The following CGNL1 variants were observed in gnomAD, a reference collection of about 807,000 sequenced individuals.
CGNL1 encodes the protein cingulin-like protein 1.
Under a neutral mutation model 141.2 loss-of-function variants are expected in CGNL1, and 132 were observed. The ratio of observed to expected loss-of-function variants is 0.93; its 90% CI spans 0.81 to 1.08. CGNL1 has a LOEUF of 1.08. Ranked by LOEUF, CGNL1 falls within the 50% of genes least tolerant of loss-of-function variation. The probability of loss-of-function intolerance (pLI) is 0.00; values close to 1 mark genes in which losing one functional copy is unlikely to be tolerated. For synonymous variants in CGNL1, 690 were observed against 622.1 expected (o/e 1.11, Z -1.63); for missense variants, 1,870 against 1,588.6 (o/e 1.18, Z -3.01).
At chr15:57,406,281 C>T (rs1399259019) in intron 1 of CGNL1, among the ~76,000 whole-genome samples, 5 of 152,106 alleles carry the variant, frequency 3.3e-5, no homozygotes, top group East Asian at 3.9e-4. Flanking sequence ...GGGACAGGGA[C>T]GCTGAAGGCC....
At chr15:57,501,345 A>G (rs1169062056) in intron 8 of CGNL1, among the ~76,000 whole-genome samples, 1 of 152,268 alleles carries the variant, frequency 6.6e-6, no homozygotes, top group Non-Finnish European at 1.5e-5. Context: ...TGCCTCCCTC[A>G]GCGGGAAGCC....
intron 8 of CGNL1, chr15:57,478,261 A>C (rs533452544): frequency 1.3e-5 from 2 of 152,320 alleles, no homozygotes; most frequent in African/African-American, 4.8e-5. Flanking sequence ...CACAGTGATC[A>C]AGATGCTCTG....
rs770430182 is a variant in CGNL1 at position 57,453,831 on chromosome 15, G to A, written c.2190+13G>A. 4 of 1,612,472 alleles carry A rather than the reference G, an allele frequency of 2.5e-6. No homozygotes were observed. The highest frequency in any genetic ancestry group is 1.1e-5 in the South Asian group (1 of 90,994). ...AGCTCTGATTGAGGTAAGCAGGGCT[G>A]TGGGGTCAGGTGATAAGACAGGCCC... On this transcript the variant is annotated intron_variant, in intron 7 of 18. Transcript: ENST00000281282.
At chr15:57,403,909 C>T (rs1299415148) in intron 1 of CGNL1, among the ~76,000 whole-genome samples, 2 of 152,204 alleles carry the variant, frequency 1.3e-5, no homozygotes, top group African/African-American at 4.8e-5. Context: ...GCCTAGTTGC[C>T]TCCCCTGACC....
chr15:57,507,728 G>A (rs1227639360), intron 8 of CGNL1, among the ~76,000 whole-genome samples: 2 of 152,226 alleles, frequency 1.3e-5, no homozygotes, highest in African/African-American at 4.8e-5. Context: ...TGTTACAGAT[G>A]ATCTGGTTTA....
chr15:57,505,280 C>G (rs2064086195), intron 8 of CGNL1, among the ~76,000 whole-genome samples: 1 of 152,194 alleles, frequency 6.6e-6, no homozygotes, highest in Admixed American at 6.5e-5. Flanking sequence ...ACACCATTAT[C>G]TTTCATTTTT....
intron 8 of CGNL1, among the ~76,000 whole-genome samples, chr15:57,465,384 T>A (rs1294691220): frequency 1.2e-3 from 16 of 13,516 alleles, no homozygotes; most frequent in African/African-American, 5.0e-3. Context: ...AAAAACTGAC[T>A]TTTTTTTTTT....
intron 8 of CGNL1, among the ~76,000 whole-genome samples, chr15:57,489,954 G>T (rs183502718): frequency 6.6e-6 from 1 of 152,130 alleles, no homozygotes; most frequent in Non-Finnish European, 1.5e-5. Flanking sequence ...AAACAGTAGC[G>T]TTTTCTCTGG....
At chr15:57,400,019 G>C (rs2062642280) in intron 1 of CGNL1, among the ~76,000 whole-genome samples, 1 of 146,776 alleles carries the variant, frequency 6.8e-6, no homozygotes, top group Non-Finnish European at 1.5e-5. Context: ...TTTTTAATGG[G>C]GTCTCACTGT....
intron 16 of CGNL1, among the ~76,000 whole-genome samples, chr15:57,545,278 A>G (rs1055450795): frequency 7.2e-5 from 11 of 152,204 alleles, no homozygotes; most frequent in Middle Eastern, 3.2e-3. Context: ...AACAGCCTGG[A>G]GTAGACCCAA....
intron 8 of CGNL1, among the ~76,000 whole-genome samples, chr15:57,463,753 C>G (rs558791841): frequency 6.6e-6 from 1 of 152,336 alleles, no homozygotes; most frequent in Admixed American, 6.5e-5. Context: ...CTGCCTAACC[C>G]ATCTCCAGAA....
intron 8 of CGNL1, among the ~76,000 whole-genome samples, chr15:57,502,224 T>G (rs1436632622): frequency 6.6e-6 from 1 of 152,138 alleles, no homozygotes; most frequent in East Asian, 1.9e-4. Context: ...GGCTCTCGTT[T>G]GGAGGAAGGA....
chr15:57,457,037 C>A (rs1351923563), intron 7 of CGNL1, among the ~76,000 whole-genome samples: 1 of 152,090 alleles, frequency 6.6e-6, no homozygotes, highest in African/African-American at 2.4e-5. Context: ...TGATTCTCAC[C>A]AGCCGTGTGA....
At chr15:57,386,991 C>T (rs2062491080) in intron 1 of CGNL1, among the ~76,000 whole-genome samples, 1 of 152,106 alleles carries the variant, frequency 6.6e-6, no homozygotes, top group Non-Finnish European at 1.5e-5. Flanking sequence ...ATTAAGTACA[C>T]TCACAATGTT....
intron 11 of CGNL1, among the ~76,000 whole-genome samples, 198 bp from the exon 12 acceptor site, chr15:57,524,383 C>A (rs372408758): frequency 3.3e-5 from 5 of 152,214 alleles, no homozygotes; most frequent in Non-Finnish European, 5.9e-5. Context: ...CTCCAAAGGA[C>A]GTGCCTGCTC....
intron 7 of CGNL1, 78 bp from the exon 8 acceptor site, chr15:57,461,602 T>A (rs1181282406): frequency 8.1e-7 from 1 of 1,227,856 alleles, no homozygotes; most frequent in Admixed American, 1.7e-5. Flanking sequence ...ACATGGGGAC[T>A]GAACTGGAGG....
At chr15:57,452,800 G>A (rs754811471) in intron 6 of CGNL1, among the ~76,000 whole-genome samples, 2 of 152,140 alleles carry the variant, frequency 1.3e-5, no homozygotes, top group African/African-American at 2.4e-5. Flanking sequence ...CAAAGGAATC[G>A]AAAACCAAGG....
intron 14 of CGNL1, among the ~76,000 whole-genome samples, chr15:57,534,362 T>A (rs1170375092): frequency 6.6e-6 from 1 of 152,214 alleles, no homozygotes; most frequent in Admixed American, 6.5e-5. Flanking sequence ...AACGCTGATG[T>A]CTCCTGATTG....
intron 16 of CGNL1, 74 bp downstream of exon 16, chr15:57,544,671 A>G (rs1390497242): frequency 6.6e-7 from 1 of 1,524,242 alleles, no homozygotes; most frequent in East Asian, 2.5e-5. Flanking sequence ...GTGTTGTCAC[A>G]TTTGGGATCT....
Sources: gnomAD v4.1 joint callset for allele counts (sites outside exome capture counted in the v4.1 genomes callset) on GRCh38, gnomAD v4.1.1 for gene constraint, MANE v1.5 for transcripts, NCBI Gene and HGNC (gene_info 2026-07-23, HGNC 2026-07-21) for gene names.